Variants in SHC3 observed in about 807,000 individuals in gnomAD.
The protein encoded by SHC3 is SHC adaptor protein 3.
In SHC3, 15 loss-of-function variants were observed where a neutral mutation model predicts 60.4. That is an observed-to-expected ratio of 0.25 (90% CI 0.17 to 0.38). The LOEUF (loss-of-function observed/expected upper bound fraction) is 0.38. SHC3 is among the 10% of genes least tolerant of loss of function. SHC3 has a pLI of 1.00. For missense variants in SHC3, 677 were observed against 786.1 expected, an observed-to-expected ratio of 0.86 and a Z score of 1.66; for synonymous variants, 294 against 325.9, an observed-to-expected ratio of 0.90 and a Z score of 1.05.
chr9:89,042,846 G>A (rs975805747), intron 9 of SHC3, among the ~76,000 whole-genome samples: 1 of 151,798 alleles, frequency 6.6e-6, no homozygotes, highest in Non-Finnish European at 1.5e-5. Context: ...TTCTGTCACC[G>A]AGACCTAGTG....
Position 89,168,013 on chromosome 9 carries a change from G to A in SHC3, c.474+9974C>T, listed in dbSNP as rs532957576. 3.6e-3 allele frequency among the ~76,000 whole-genome samples: 545 copies of A among 152,300 alleles called. 2 individuals are homozygous for A. Among genetic ancestry groups the A allele is most frequent in the African/African-American group, 0.012 (497 of 41,550 alleles). On this transcript the variant is annotated intron_variant, in intron 1 of 11. Transcript: ENST00000375835. Reference sequence around the variant, plus strand: ...GCCCCCACACCCTGAGCCAGCTTGCGAACCACAGCCATGGGCCCTTGCCAC... The same window carrying A: ...GCCCCCACACCCTGAGCCAGCTTGCAAACCACAGCCATGGGCCCTTGCCAC...
chr9:89,118,581 G>A (rs1336392391), intron 1 of SHC3, among the ~76,000 whole-genome samples: 2 of 150,850 alleles, frequency 1.3e-5, no homozygotes, highest in African/African-American at 2.4e-5. Context: ...CCTAATTTCA[G>A]ACACACAGAT....
chr9:89,177,679 T>G (rs780827927), intron 1 of SHC3, among the ~76,000 whole-genome samples: 5 of 152,162 alleles, frequency 3.3e-5, no homozygotes, highest in Non-Finnish European at 7.4e-5. Flanking sequence ...TGGGCGCCCA[T>G]GACACTGGTC....
At chr9:89,098,259 C>T (rs974436605) in intron 2 of SHC3, among the ~76,000 whole-genome samples, 15 of 151,920 alleles carry the variant, frequency 9.9e-5, no homozygotes, top group African/African-American at 3.6e-4. Flanking sequence ...GATGTGACAA[C>T]AAAATGCAAT....
chr9:89,151,736 T>G (rs1236088912), intron 1 of SHC3, among the ~76,000 whole-genome samples: 1 of 152,208 alleles, frequency 6.6e-6, no homozygotes, highest in Non-Finnish European at 1.5e-5. Context: ...TATTTAACAA[T>G]TTGGGGAATC....
intron 1 of SHC3, among the ~76,000 whole-genome samples, chr9:89,116,819 A>C (rs1396465384): frequency 6.6e-6 from 1 of 152,224 alleles, no homozygotes; most frequent in East Asian, 1.9e-4. Flanking sequence ...TACTGCAGTT[A>C]TGTAAGTACC....
At chr9:89,122,858 G>T (rs977911703) in intron 1 of SHC3, among the ~76,000 whole-genome samples, 1 of 152,212 alleles carries the variant, frequency 6.6e-6, no homozygotes, top group Non-Finnish European at 1.5e-5. Context: ...CTGTTACCAA[G>T]GGATGGGCTT....
intron 2 of SHC3, among the ~76,000 whole-genome samples, chr9:89,103,717 T>C (rs1180835996): frequency 6.6e-6 from 1 of 152,232 alleles, no homozygotes; most frequent in Non-Finnish European, 1.5e-5. Context: ...TTTCAGATAT[T>C]AGCTCAATTA....
chr9:89,145,480 T>G (rs1826455634), intron 1 of SHC3, among the ~76,000 whole-genome samples: 1 of 152,180 alleles, frequency 6.6e-6, no homozygotes, highest in African/African-American at 2.4e-5. Flanking sequence ...CCTTGAGGAA[T>G]CAACCACAGT....
intron 4 of SHC3, among the ~76,000 whole-genome samples, chr9:89,072,688 T>C (rs74454536): frequency 0.021 from 3,189 of 152,278 alleles, 37 homozygotes; most frequent in South Asian, 0.034. Flanking sequence ...TTAAAGACAA[T>C]GTAATGACAT....
At chr9:89,065,678 A>T in intron 5 of SHC3, 98 bp from the exon 6 acceptor site, 2 of 1,152,422 alleles carry the variant, frequency 1.7e-6, no homozygotes, top group Non-Finnish European at 2.6e-6. Context: ...AGAAGGACTC[A>T]ACCACCAAAC....
chr9:89,074,377 T>C (rs1202484055), intron 4 of SHC3, among the ~76,000 whole-genome samples: 2 of 152,160 alleles, frequency 1.3e-5, no homozygotes, highest in Non-Finnish European at 2.9e-5. Flanking sequence ...CCCTGGATAC[T>C]GCTCAAGCAT....
In SHC3 at chr9:89,170,070, T is replaced by C. The variant is rs116300932; in HGVS notation, c.474+7917A>G. 5.6e-3 allele frequency among the ~76,000 whole-genome samples: 846 copies of C among 152,008 alleles called. 9 individuals carry two copies. The highest frequency in any genetic ancestry group is 0.019 in the African/African-American group (805 of 41,430). On this transcript the variant is annotated intron_variant, in intron 1 of 11. Transcript: ENST00000375835. ...TTAGGGGCCTTTCCTGCTGAGTGGG[T>C]TGTGGAGGCCTTTTCCTTGGGAAGA...
intron 10 of SHC3, among the ~76,000 whole-genome samples, chr9:89,039,029 G>A (rs1481924851): frequency 1.3e-5 from 2 of 152,206 alleles, no homozygotes; most frequent in East Asian, 1.9e-4. Context: ...AAGTAGCCAG[G>A]CATGTCTAAC....
At chr9:89,036,360 G>A (rs1824577376) in intron 11 of SHC3, among the ~76,000 whole-genome samples, 1 of 152,194 alleles carries the variant, frequency 6.6e-6, no homozygotes, top group Admixed American at 6.5e-5. Flanking sequence ...CAAACCTAGA[G>A]ACTCTCTCAA....
At chr9:89,126,182 A>G (rs1234724715) in intron 1 of SHC3, among the ~76,000 whole-genome samples, 1 of 152,154 alleles carries the variant, frequency 6.6e-6, no homozygotes. Flanking sequence ...TACTTGGGTA[A>G]AGGATGAGAT....
intron 2 of SHC3, among the ~76,000 whole-genome samples, chr9:89,092,933 T>C (rs568108200): frequency 6.6e-6 from 1 of 152,352 alleles, no homozygotes; most frequent in East Asian, 1.9e-4. Flanking sequence ...TTCATTGTAG[T>C]TCATTCCTTT....
chr9:89,046,221 C>T (rs531253255), intron 8 of SHC3, among the ~76,000 whole-genome samples: 1 of 152,176 alleles, frequency 6.6e-6, no homozygotes, highest in East Asian at 1.9e-4. Context: ...TTGGTCAAGT[C>T]CACTCTGTAA....
chr9:89,068,243 G>A (rs924582367), intron 5 of SHC3, among the ~76,000 whole-genome samples: 4 of 152,162 alleles, frequency 2.6e-5, no homozygotes, highest in Admixed American at 1.3e-4. Context: ...CATTTTTGTG[G>A]TGGTCTTTTA....
Sources: gnomAD v4.1 joint callset for allele counts (sites outside exome capture counted in the v4.1 genomes callset) on GRCh38, gnomAD v4.1.1 for gene constraint, MANE v1.5 for transcripts, NCBI Gene and HGNC (gene_info 2026-07-23, HGNC 2026-07-21) for gene names.